Variants in POU6F2 observed in about 807,000 individuals in gnomAD.
POU6F2 encodes POU domain, class 6, transcription factor 2.
POU6F2 carries 31 observed loss-of-function variants against 71.3 expected under a neutral mutation model. The ratio of observed to expected loss-of-function variants is 0.43; its 90% CI spans 0.33 to 0.59. The LOEUF (loss-of-function observed/expected upper bound fraction) is 0.59. Ranked by LOEUF, POU6F2 falls within the 20% of genes least tolerant of loss-of-function variation. The probability of loss-of-function intolerance (pLI) is 0.04; values close to 1 mark genes in which losing one functional copy is unlikely to be tolerated. For missense variants in POU6F2, 783 were observed against 856.8 expected, an observed-to-expected ratio of 0.91 and a Z score of 1.07; for synonymous variants, 347 against 355.7, an observed-to-expected ratio of 0.98 and a Z score of 0.27.
chr7:39,389,583 A>G (rs984146130), intron 5 of POU6F2, among the ~76,000 whole-genome samples: 4 of 152,226 alleles, frequency 2.6e-5, no homozygotes, highest in African/African-American at 9.6e-5. Context: ...AGCTGTGGTT[A>G]CAGAAGCTAA....
intron 2 of POU6F2, among the ~76,000 whole-genome samples, chr7:39,147,442 C>CA (rs1165636730): frequency 2.0e-5 from 3 of 152,108 alleles, no homozygotes; most frequent in Admixed American, 6.5e-5. Context: ...TGGAAAAATA[C>CA]AAATTTAACC....
chr7:39,108,468 G>T (rs1353750943), intron 2 of POU6F2, among the ~76,000 whole-genome samples: 2 of 152,084 alleles, frequency 1.3e-5, no homozygotes, highest in African/African-American at 4.8e-5. Context: ...AGACAGACCT[G>T]TGTCTCTCCC....
chr7:39,237,980 T>G (rs1185927430), intron 4 of POU6F2, among the ~76,000 whole-genome samples: 3 of 152,148 alleles, frequency 2.0e-5, no homozygotes, highest in Non-Finnish European at 2.9e-5. Flanking sequence ...TTGTTCTTGC[T>G]CTTTGAATCG....
intron 7 of POU6F2, among the ~76,000 whole-genome samples, chr7:39,444,172 G>A (rs1788471252): frequency 6.7e-6 from 1 of 148,494 alleles, no homozygotes; most frequent in Non-Finnish European, 1.5e-5. Flanking sequence ...GTTATCATCT[G>A]AAATGTAAAC....
chr7:39,210,183 C>T (rs908474188), intron 4 of POU6F2, among the ~76,000 whole-genome samples: 2 of 152,106 alleles, frequency 1.3e-5, no homozygotes, highest in Non-Finnish European at 2.9e-5. Context: ...TTTGGTGGGT[C>T]ATTGTGAGGG....
At chr7:39,143,568 G>A (rs1047675566) in intron 2 of POU6F2, among the ~76,000 whole-genome samples, 5 of 152,176 alleles carry the variant, frequency 3.3e-5, no homozygotes, top group Admixed American at 2.0e-4. Context: ...TTATAAGCAA[G>A]ATGGCTTGAC....
chr7:39,156,456 T>A (rs1353185885), intron 2 of POU6F2, among the ~76,000 whole-genome samples: 2 of 152,128 alleles, frequency 1.3e-5, no homozygotes, highest in South Asian at 4.1e-4. Context: ...TTAATTGAGA[T>A]AATATATAAA....
intron 4 of POU6F2, among the ~76,000 whole-genome samples, chr7:39,215,322 G>A (rs1794218832): frequency 6.6e-6 from 1 of 152,102 alleles, no homozygotes; most frequent in African/African-American, 2.4e-5. Context: ...TCCAGCCTGG[G>A]CAACAGAGTG....
At chr7:39,382,081 A>T (rs1786840397) in intron 5 of POU6F2, among the ~76,000 whole-genome samples, 1 of 151,918 alleles carries the variant, frequency 6.6e-6, no homozygotes, top group Non-Finnish European at 1.5e-5. Flanking sequence ...AAAATGGTTC[A>T]ATCTTTGTCA....
intron 1 of POU6F2, among the ~76,000 whole-genome samples, chr7:39,031,871 A>C (rs1789950334): frequency 6.6e-6 from 1 of 151,022 alleles, no homozygotes; most frequent in African/African-American, 2.5e-5. Flanking sequence ...ACAGAGGGAG[A>C]CTGCCTCAAA....
chr7:39,340,973 G>C (rs1009703080), intron 5 of POU6F2, among the ~76,000 whole-genome samples: 3 of 152,148 alleles, frequency 2.0e-5, no homozygotes, highest in Non-Finnish European at 4.4e-5. Flanking sequence ...CTGTGACAAA[G>C]TTAAACAGAG....
intron 5 of POU6F2, among the ~76,000 whole-genome samples, chr7:39,374,032 A>G (rs142115816): frequency 4.5e-4 from 69 of 152,370 alleles, no homozygotes; most frequent in African/African-American, 1.7e-3. Flanking sequence ...AAAGTCAGTC[A>G]AATGCTGAAC....
intron 4 of POU6F2, among the ~76,000 whole-genome samples, chr7:39,303,936 A>G (rs1305591019): frequency 2.0e-5 from 3 of 152,182 alleles, no homozygotes; most frequent in Admixed American, 6.5e-5. Flanking sequence ...TTCCACATCA[A>G]TCCACTTCAA....
At chr7:39,398,156 C>T (rs1348064954) in intron 5 of POU6F2, among the ~76,000 whole-genome samples, 1 of 152,236 alleles carries the variant, frequency 6.6e-6, no homozygotes, top group East Asian at 1.9e-4. Flanking sequence ...CAACTCACTC[C>T]TTCACTCGAT....
chr7:39,265,848 G>A (rs1219425942), intron 4 of POU6F2, among the ~76,000 whole-genome samples: 1 of 152,196 alleles, frequency 6.6e-6, no homozygotes, highest in Admixed American at 6.5e-5. Flanking sequence ...GTGTGCAGAC[G>A]ACTCACTATG....
chr7:39,187,106 G>A (rs547804760), intron 2 of POU6F2, among the ~76,000 whole-genome samples: 82 of 152,318 alleles, frequency 5.4e-4, no homozygotes, highest in African/African-American at 1.9e-3. Flanking sequence ...TTTATTTAGC[G>A]CACTGCATCC....
intron 4 of POU6F2, among the ~76,000 whole-genome samples, chr7:39,252,040 TTCTA>T (rs1783930239): frequency 2.0e-5 from 3 of 152,140 alleles, no homozygotes; most frequent in Admixed American, 1.3e-4. Flanking sequence ...TCCGCCCAAT[TTCTA>T]TCTGAAATGG....
intron 1 of POU6F2, among the ~76,000 whole-genome samples, chr7:39,039,368 G>A (rs1224141433): frequency 6.6e-6 from 1 of 151,878 alleles, no homozygotes; most frequent in Non-Finnish European, 1.5e-5. Flanking sequence ...AATTTCCATT[G>A]CAATCTGACT....
At chr7:39,058,790 A>G (rs1790589634) in intron 1 of POU6F2, among the ~76,000 whole-genome samples, 4 of 152,218 alleles carry the variant, frequency 2.6e-5, no homozygotes. Flanking sequence ...TTTATGTAAT[A>G]CAAATGATGG....
Sources: gnomAD v4.1 joint callset for allele counts (sites outside exome capture counted in the v4.1 genomes callset) on GRCh38, gnomAD v4.1.1 for gene constraint, MANE v1.5 for transcripts, NCBI Gene and HGNC (gene_info 2026-07-23, HGNC 2026-07-21) for gene names.